EGF: variants seen among roughly 807,000 people sequenced by gnomAD.
The protein encoded by EGF is epidermal growth factor.
Under a neutral mutation model 143.8 loss-of-function variants are expected in EGF, and 95 were observed. The observed-to-expected ratio is 0.66, with a 90% CI of 0.56 to 0.78. The LOEUF (loss-of-function observed/expected upper bound fraction) is 0.78. Among genes scored for constraint, EGF ranks in the 30% least tolerant of loss-of-function variants. The probability of loss-of-function intolerance (pLI) is 0.00; values close to 1 mark genes in which losing one functional copy is unlikely to be tolerated. For missense variants in EGF, 1,320 were observed against 1,470.9 expected (o/e 0.90, Z 1.68); for synonymous variants, 510 against 510.5 (o/e 1.00, Z 0.01).
At chr4:109,961,198 A>C (rs570726169) in intron 7 of EGF, among the ~76,000 whole-genome samples, 14 of 152,074 alleles carry the variant, frequency 9.2e-5, no homozygotes, top group Non-Finnish European at 1.6e-4. Flanking sequence ...ATACAAAAAA[A>C]AAAAAAACTT....
intron 23 of EGF, among the ~76,000 whole-genome samples, chr4:110,009,187 T>C (rs1304790390): frequency 6.6e-6 from 1 of 152,188 alleles, no homozygotes; most frequent in Non-Finnish European, 1.5e-5. Context: ...CTTTATTACC[T>C]AATTTGAAGA....
chr4:109,974,808 G>A lies in EGF; in HGVS notation c.1829+1G>A, dbSNP rs1324015897. 3 of 1,609,828 alleles carry A rather than the reference G, an allele frequency of 1.9e-6. No homozygotes were observed. Among genetic ancestry groups the A allele is most frequent in the Non-Finnish European group, 2.6e-6 (3 of 1,176,444 alleles). On this transcript the variant is annotated splice_donor_variant, in intron 12 of 23. Coordinates refer to ENST00000265171, the MANE Select transcript of EGF (RefSeq NM_001963.6). LOFTEE classifies it high-confidence loss of function. ...GAATTGCTGTTCATCCAATGGCCAA[G>A]TAGGTATTTGTAAAAATAAGGCACT... is the stretch of plus-strand genomic sequence containing the variant.
At chr4:109,941,326 T>G (rs1741891392) in intron 2 of EGF, among the ~76,000 whole-genome samples, 181 bp downstream of exon 2, 1 of 152,212 alleles carries the variant, frequency 6.6e-6, no homozygotes, top group Non-Finnish European at 1.5e-5. Context: ...ATTCACACAT[T>G]GATATTTAGA....
intron 1 of EGF, among the ~76,000 whole-genome samples, chr4:109,929,779 T>C (rs557458016): frequency 3.3e-5 from 5 of 152,208 alleles, no homozygotes; most frequent in Non-Finnish European, 7.3e-5. Flanking sequence ...TGCATTATTT[T>C]TAAATCATCT....
chr4:109,929,851 T>C (rs1739370871), intron 1 of EGF, among the ~76,000 whole-genome samples: 1 of 152,180 alleles, frequency 6.6e-6, no homozygotes, highest in Non-Finnish European at 1.5e-5. Context: ...AAGAAAGCTG[T>C]GAAAAGAAAT....
intron 13 of EGF, among the ~76,000 whole-genome samples, chr4:109,978,003 T>C (rs2126109672): frequency 6.6e-6 from 1 of 152,364 alleles, no homozygotes; most frequent in East Asian, 1.9e-4. Flanking sequence ...ATATTGCTAC[T>C]ATATTGTATG....
At chr4:109,981,072 A>G in intron 15 of EGF, 97 bp downstream of exon 15, 1 of 1,541,572 alleles carries the variant, frequency 6.5e-7, no homozygotes, top group Non-Finnish European at 9.0e-7. Context: ...AATATTTTGG[A>G]TGTTAAAAGT....
intron 21 of EGF, chr4:110,002,162 G>A: frequency 2.1e-6 from 1 of 480,144 alleles, no homozygotes; most frequent in Non-Finnish European, 2.7e-6. Flanking sequence ...TGTCTAGCTT[G>A]TTTGATACCG....
chr4:109,964,409 C>A lies in EGF; in HGVS notation c.1447C>A (p.Pro483Thr). ...EKSCAASGPQPFLLFANSQDI... is the reference protein window; with the variant it reads ...EKSCAASGPQTFLLFANSQDI... ...TGAAATTTGGTTAACAGGACCACAA[C>A]CATTTTTGCTGTTTGCCAATTCTCA... is the stretch of plus-strand genomic sequence containing the variant. The change falls in exon 10 of 24, where the codon CCA becomes ACA. Residue 483 changes from proline (P) to threonine (T), a missense_variant. Physicochemically the swap from Pro to Thr is conservative, Grantham distance 38. Transcript: ENST00000265171. 1 of 1,613,894 alleles carries A rather than the reference C, an allele frequency of 6.2e-7. No homozygotes were observed. Among genetic ancestry groups the A allele is most frequent in the East Asian group, 2.2e-5 (1 of 44,874 alleles).
chr4:109,993,663 G>T (rs934725365), intron 19 of EGF, among the ~76,000 whole-genome samples: 1 of 152,016 alleles, frequency 6.6e-6, no homozygotes, highest in Non-Finnish European at 1.5e-5. Flanking sequence ...ATGTCAATTT[G>T]TGGGGCTGCT....
intron 11 of EGF, among the ~76,000 whole-genome samples, chr4:109,969,521 G>T (rs1386053627): frequency 6.6e-6 from 1 of 152,022 alleles, no homozygotes; most frequent in East Asian, 1.9e-4. Flanking sequence ...GTTGATGGGT[G>T]TAGCAAACCA....
rs1186324574 is a variant in EGF, at chr4:110,008,273, TTA to T, written c.3370+44_3370+45del. The T allele has an allele frequency of 1.9e-6, 3 of 1,607,908 alleles. No homozygotes were observed. The African/African-American group carries it at 4.0e-5, about 22-fold the overall frequency. On this transcript the variant is annotated intron_variant, in intron 23 of 23. Transcript: ENST00000265171. ...GCTCCTGGTGAATGGTTATTTTTACTTAGATCCTGACTGTTTTTCAATGAAAA... is the reference window on the plus strand; with the variant it reads ...GCTCCTGGTGAATGGTTATTTTTACTGATCCTGACTGTTTTTCAATGAAAA...
At chr4:109,970,699 C>T (rs1276671868) in intron 11 of EGF, among the ~76,000 whole-genome samples, 1 of 151,920 alleles carries the variant, frequency 6.6e-6, no homozygotes, top group Non-Finnish European at 1.5e-5. Flanking sequence ...GTGGTGGGCG[C>T]CTGTAGTCCC....
At chr4:109,965,498 A>G (rs1275707645) in intron 10 of EGF, among the ~76,000 whole-genome samples, 2 of 152,170 alleles carry the variant, frequency 1.3e-5, no homozygotes, top group East Asian at 1.9e-4. Flanking sequence ...AACAGTTACA[A>G]TAACAGAAAA....
intron 23 of EGF, among the ~76,000 whole-genome samples, chr4:110,009,579 T>C (rs977765747): frequency 7.2e-5 from 11 of 151,926 alleles, no homozygotes; most frequent in Admixed American, 1.3e-4. Context: ...GTTGTTTTTT[T>C]CCCCCCGCAC....
rs371196657 is a variant in EGF, at chr4:109,987,609, G to A, written c.2492-135G>A. 91 of 776,720 alleles carry A rather than the reference G, an allele frequency of 1.2e-4. 1 individual carries two copies. Among genetic ancestry groups the A allele is most frequent in the South Asian group, 4.9e-4 (36 of 73,560 alleles). The allele number at this position is 776,720 out of a possible 1,614,324, so 48.1% of individuals were successfully genotyped here. A position where few individuals can be genotyped will look rare whatever the true frequency, so the allele number is the denominator to read the frequency against. ...AGTATAGTTTATAGGTCAACTAAGC[G>A]TTTCTATTTGGAGGTTAACCTGTCC... On this transcript the variant is annotated intron_variant, in intron 16 of 23. Coordinates refer to ENST00000265171, the MANE Select transcript of EGF (RefSeq NM_001963.6).
At chr4:109,983,390 TA>T in intron 15 of EGF, 31 bp from the exon 16 acceptor site, 2 of 1,610,698 alleles carry the variant, frequency 1.2e-6, no homozygotes, top group Middle Eastern at 3.3e-4. Flanking sequence ...ACAGAAAAGC[TA>T]AATTTAATTG....
At chr4:109,931,938 A>AT (rs994166850) in intron 1 of EGF, among the ~76,000 whole-genome samples, 1 of 152,108 alleles carries the variant, frequency 6.6e-6, no homozygotes, top group Non-Finnish European at 1.5e-5. Context: ...TAACTACTCT[A>AT]TTTTTTTGAA....
At chr4:109,995,918 T>C (rs1291190772) in intron 20 of EGF, among the ~76,000 whole-genome samples, 2 of 152,220 alleles carry the variant, frequency 1.3e-5, no homozygotes, top group African/African-American at 4.8e-5. Flanking sequence ...AAATTGCTCA[T>C]GAATACTAGT....
Sources: allele counts gnomAD v4.1 joint callset (sites outside exome capture counted in the v4.1 genomes callset), GRCh38; gene constraint gnomAD v4.1.1; transcripts MANE v1.5; gene names NCBI Gene and HGNC (gene_info 2026-07-23, HGNC 2026-07-21).